Variants in ANKS1B observed in about 807,000 individuals in gnomAD.
The protein encoded by ANKS1B is ankyrin repeat and sterile alpha motif domain containing 1B, also known as ankyrin repeat and sterile alpha motif domain-containing protein 1B.
ANKS1B carries 36 observed loss-of-function variants against 148.3 expected under a neutral mutation model. The ratio of observed to expected loss-of-function variants is 0.24; its 90% CI spans 0.19 to 0.32. The LOEUF is 0.32. ANKS1B is among the 10% of genes least tolerant of loss of function. The pLI is 1.00. For missense variants in ANKS1B, 1,157 were observed against 1,542.6 expected (o/e 0.75, Z 4.19); for synonymous variants, 542 against 560.8 (o/e 0.97, Z 0.47).
At chr12:99,550,929 C>A (rs1438676010) in intron 9 of ANKS1B, among the ~76,000 whole-genome samples, 1 of 152,088 alleles carries the variant, frequency 6.6e-6, no homozygotes, top group Non-Finnish European at 1.5e-5. Flanking sequence ...GCATTCTTTT[C>A]TTTGATCATT....
chr12:98,943,539 G>A (rs1273708298), intron 17 of ANKS1B, among the ~76,000 whole-genome samples: 1 of 152,072 alleles, frequency 6.6e-6, no homozygotes, highest in Admixed American at 6.6e-5. Context: ...TCTGTAGAAG[G>A]GGGGCTGCTT....
intron 25 of ANKS1B, among the ~76,000 whole-genome samples, chr12:98,772,113 A>G (rs894852658): frequency 6.6e-6 from 1 of 152,320 alleles, no homozygotes. Flanking sequence ...ATATCGAAAA[A>G]TCTCCAAACA....
At chr12:99,947,935 C>T (rs1285236525) in intron 1 of ANKS1B, among the ~76,000 whole-genome samples, 4 of 152,158 alleles carry the variant, frequency 2.6e-5, no homozygotes, top group Non-Finnish European at 5.9e-5. Context: ...TGCACTGGAC[C>T]TTTATCATAT....
chr12:99,558,443 A>T (rs889197329), intron 9 of ANKS1B, among the ~76,000 whole-genome samples: 1 of 152,012 alleles, frequency 6.6e-6, no homozygotes, highest in Non-Finnish European at 1.5e-5. Context: ...CAGTAAAGCA[A>T]TGTGTGTGTG....
At chr12:99,283,648 G>A (rs1275295003) in intron 12 of ANKS1B, among the ~76,000 whole-genome samples, 1 of 152,150 alleles carries the variant, frequency 6.6e-6, no homozygotes, top group African/African-American at 2.4e-5. Flanking sequence ...TAAATAGCTG[G>A]GTTAAGTAGA....
chr12:98,979,840 T>C (rs184255228), intron 17 of ANKS1B, among the ~76,000 whole-genome samples: 1 of 152,310 alleles, frequency 6.6e-6, no homozygotes, highest in East Asian at 1.9e-4. Context: ...CCATTATTTC[T>C]TGAGATATTA....
intron 15 of ANKS1B, among the ~76,000 whole-genome samples, chr12:99,127,444 G>A (rs1315757129): frequency 3.9e-5 from 6 of 152,050 alleles, no homozygotes; most frequent in Non-Finnish European, 5.9e-5. Context: ...AGAGAAAACA[G>A]CTATGAATTT....
intron 8 of ANKS1B, among the ~76,000 whole-genome samples, chr12:99,687,078 A>G (rs564593976): frequency 3.7e-4 from 57 of 152,214 alleles, no homozygotes; most frequent in African/African-American, 1.3e-3. Context: ...CCCTACCTTC[A>G]CTTATGAAAT....
chr12:98,833,515 CTCTTT>C (rs1209300345), intron 17 of ANKS1B, among the ~76,000 whole-genome samples: 3 of 152,112 alleles, frequency 2.0e-5, no homozygotes, highest in African/African-American at 4.8e-5. Context: ...TTTTTCTCTT[CTCTTT>C]TCAAGTTTTA....
At chr12:99,809,467 T>C (rs909970771) in intron 3 of ANKS1B, among the ~76,000 whole-genome samples, 1 of 151,376 alleles carries the variant, frequency 6.6e-6, no homozygotes, top group Non-Finnish European at 1.5e-5. Flanking sequence ...TTAAAGGAAA[T>C]TTAAATTGCA....
intron 8 of ANKS1B, among the ~76,000 whole-genome samples, chr12:99,714,441 G>A (rs772058839): frequency 2.0e-5 from 3 of 152,168 alleles, no homozygotes; most frequent in Non-Finnish European, 4.4e-5. Flanking sequence ...TCACAACCCT[G>A]CATGGAGCAA....
chr12:99,857,382 T>C (rs1313310143), intron 1 of ANKS1B, among the ~76,000 whole-genome samples: 1 of 152,068 alleles, frequency 6.6e-6, no homozygotes, highest in Non-Finnish European at 1.5e-5. Flanking sequence ...CTGAAAGAAA[T>C]CATAGACAAC....
At position 99,038,743 on chromosome 12, in the gene ANKS1B, C is replaced by T. The variant is rs913112204; in HGVS notation, c.2778+14414G>A. Among the ~76,000 whole-genome samples the T allele has an allele frequency of 5.3e-5, 8 of 152,196 alleles. No individual in the cohort carries two copies. In the South Asian group the frequency reaches 1.2e-3, roughly 24 times the overall value. Reference sequence around the variant, plus strand: ...GGTCCTCAAACAGGCACGGTCCTGCCGCAGGGGATCTGCACTTGCCGCTCC... The same window carrying T: ...GGTCCTCAAACAGGCACGGTCCTGCTGCAGGGGATCTGCACTTGCCGCTCC... On this transcript the variant is annotated intron_variant, in intron 17 of 26. Transcript: ENST00000683438.
intron 15 of ANKS1B, among the ~76,000 whole-genome samples, chr12:99,134,424 G>T (rs1360572175): frequency 6.6e-6 from 1 of 152,030 alleles, no homozygotes; most frequent in Non-Finnish European, 1.5e-5. Flanking sequence ...ATCAAAAAAA[G>T]AGCCCAAGTT....
intron 12 of ANKS1B, among the ~76,000 whole-genome samples, chr12:99,305,581 C>A (rs1370179300): frequency 6.6e-6 from 1 of 152,088 alleles, no homozygotes; most frequent in African/African-American, 2.4e-5. Flanking sequence ...TATAAAGATT[C>A]TTACTCTCAG....
At chr12:99,137,723 A>G (rs1001249323) in intron 15 of ANKS1B, among the ~76,000 whole-genome samples, 4 of 152,086 alleles carry the variant, frequency 2.6e-5, no homozygotes, top group African/African-American at 7.2e-5. Context: ...ACTGGGCTCA[A>G]CTACTGAATA....
chr12:98,810,797 C>T (rs747034207), intron 19 of ANKS1B, among the ~76,000 whole-genome samples: 7 of 152,200 alleles, frequency 4.6e-5, no homozygotes, highest in Non-Finnish European at 8.8e-5. Flanking sequence ...CACTTTGAGT[C>T]ATGAAGACTC....
intron 9 of ANKS1B, among the ~76,000 whole-genome samples, chr12:99,552,112 T>A (rs1041388455): frequency 6.7e-6 from 1 of 150,304 alleles, no homozygotes; most frequent in Non-Finnish European, 1.5e-5. Context: ...CTACATCAGT[T>A]CCTGTAGGAC....
intron 17 of ANKS1B, among the ~76,000 whole-genome samples, chr12:98,990,639 T>C (rs990709102): frequency 2.0e-5 from 3 of 151,830 alleles, no homozygotes; most frequent in African/African-American, 7.2e-5. Context: ...TAAGGGAATC[T>C]GATCCAGCAC....
Sources: gnomAD v4.1 joint callset for allele counts (sites outside exome capture counted in the v4.1 genomes callset) on GRCh38, gnomAD v4.1.1 for gene constraint, MANE v1.5 for transcripts, NCBI Gene and HGNC (gene_info 2026-07-23, HGNC 2026-07-21) for gene names.